Variants in PLD1 observed in about 807,000 individuals in gnomAD.
PLD1 encodes choline phosphatase 1.
Under a neutral mutation model 137.1 loss-of-function variants are expected in PLD1, and 112 were observed. That is an observed-to-expected ratio of 0.82 (90% CI 0.70 to 0.96). The LOEUF (loss-of-function observed/expected upper bound fraction) is 0.96, where lower values mean the gene tolerates loss of function less well. Ranked by LOEUF, PLD1 falls within the 40% of genes least tolerant of loss-of-function variation. The probability of loss-of-function intolerance (pLI) is 0.00; values close to 1 mark genes in which losing one functional copy is unlikely to be tolerated. For synonymous variants in PLD1, 431 were observed against 454.7 expected, an observed-to-expected ratio of 0.95 and a Z score of 0.66; for missense variants, 1,321 against 1,342.0, an observed-to-expected ratio of 0.98 and a Z score of 0.24.
chr3:171,761,644 T>C (rs1161227216), intron 1 of PLD1, among the ~76,000 whole-genome samples: 1 of 152,212 alleles, frequency 6.6e-6, no homozygotes, highest in Non-Finnish European at 1.5e-5. Context: ...TCCTAGGATT[T>C]ACAGAGTGGG....
At position 171,673,090 on chromosome 3, in the gene PLD1, A is replaced by G. The variant is rs543294514; in HGVS notation, c.2229+1410T>C. Among the ~76,000 whole-genome samples the G allele has an allele frequency of 7.2e-5, 11 of 152,370 alleles. No homozygotes were observed. In the South Asian group the frequency reaches 2.1e-3, roughly 29 times the overall value. ...CAAATCTTAAATTCTTATTTTCCTA[A>G]TAACAAGTTTCTTATTTTATATTCT... On this transcript the variant is annotated intron_variant, in intron 19 of 26. Coordinates refer to ENST00000351298, the MANE Select transcript of PLD1 (RefSeq NM_002662.5).
chr3:171,715,846 T>C (rs1252096618), intron 8 of PLD1, among the ~76,000 whole-genome samples: 1 of 152,094 alleles, frequency 6.6e-6, no homozygotes, highest in Non-Finnish European at 1.5e-5. Flanking sequence ...GGGTTTGGTG[T>C]ACAGATTGCT....
intron 1 of PLD1, among the ~76,000 whole-genome samples, chr3:171,808,484 C>A (rs927639697): frequency 6.6e-6 from 1 of 151,928 alleles, no homozygotes; most frequent in African/African-American, 2.4e-5. Flanking sequence ...TGCAGTGAGC[C>A]GAGATCGCGC....
At chr3:171,667,578 G>C (rs1712275047) in intron 19 of PLD1, among the ~76,000 whole-genome samples, 1 of 152,162 alleles carries the variant, frequency 6.6e-6, no homozygotes, top group Non-Finnish European at 1.5e-5. Flanking sequence ...GGAGAGTTAG[G>C]GATGGATTTG....
In PLD1 at chr3:171,737,606, T is replaced by A; in HGVS notation, c.214A>T (p.Ile72Leu). 1 of 1,604,830 alleles carries A rather than the reference T, an allele frequency of 6.2e-7. No individual in the cohort carries two copies. Among genetic ancestry groups the A allele is most frequent in the Non-Finnish European group, 8.5e-7 (1 of 1,172,122 alleles). ...YNTQGFKEPN[I>L]QTYLSGCPIK... is the part of the protein sequence containing the mutation. ...GGACAGCCGGAGAGATACGTCTGTA[T>A]ATTAGGCTCCTTAAATCCTTGAGTG... is the stretch of plus-strand genomic sequence containing the variant. Residue 72 changes from isoleucine (I) to leucine (L), a missense_variant, in exon 3 of 27, where the codon ATA becomes TTA. Coordinates refer to ENST00000351298, the MANE Select transcript of PLD1 (RefSeq NM_002662.5).
chr3:171,667,537 G>A (rs1712270066), intron 19 of PLD1, among the ~76,000 whole-genome samples: 1 of 152,188 alleles, frequency 6.6e-6, no homozygotes, highest in Admixed American at 6.5e-5. Context: ...AGTATTAGTT[G>A]GGTGTTCTTG....
chr3:171,650,736 T>G (rs925714094), intron 21 of PLD1, among the ~76,000 whole-genome samples: 1 of 151,750 alleles, frequency 6.6e-6, no homozygotes, highest in African/African-American at 2.4e-5. Flanking sequence ...CAGAAAATAG[T>G]AGTGTGTGTG....
At chr3:171,666,912 A>G (rs1712208020) in intron 19 of PLD1, among the ~76,000 whole-genome samples, 2 of 152,236 alleles carry the variant, frequency 1.3e-5, no homozygotes, top group South Asian at 4.1e-4. Context: ...CCTAAAATAT[A>G]GCCTTCTCTT....
chr3:171,718,219 C>T (rs564905838), intron 8 of PLD1, among the ~76,000 whole-genome samples: 2 of 152,238 alleles, frequency 1.3e-5, no homozygotes, highest in African/African-American at 4.8e-5. Context: ...AGATAAATTC[C>T]CAGACACATA....
At chr3:171,737,267 T>C (rs893422828) in intron 3 of PLD1, among the ~76,000 whole-genome samples, 9 of 152,224 alleles carry the variant, frequency 5.9e-5, no homozygotes, top group East Asian at 1.9e-4. Flanking sequence ...TTGCAATTTA[T>C]TAAACTGTTA....
chr3:171,750,988 A>AC lies in PLD1; in HGVS notation c.-31-12907dup, dbSNP rs574379112. On this transcript the variant is annotated intron_variant, in intron 1 of 26. Coordinates refer to ENST00000351298, the MANE Select transcript of PLD1 (RefSeq NM_002662.5). The stretch of plus-strand genomic sequence containing the variant: ...AATAGATGAACTGAACCAAGTAGGG[A>AC]CCCCCCCCAAAACAAACCTATTCAA... Among the ~76,000 whole-genome samples the AC allele has an allele frequency of 7.5e-4, 113 of 151,398 alleles. 1 individual carries two copies. Among genetic ancestry groups the AC allele is most frequent in the South Asian group, 3.6e-3 (17 of 4,756 alleles).
chr3:171,752,261 A>G (rs1400349218), intron 1 of PLD1, among the ~76,000 whole-genome samples: 1 of 152,258 alleles, frequency 6.6e-6, no homozygotes, highest in Non-Finnish European at 1.5e-5. Flanking sequence ...AGTATGACAT[A>G]AAAACTAATT....
chr3:171,734,284 T>C (rs1486422937), intron 5 of PLD1, among the ~76,000 whole-genome samples: 1 of 152,194 alleles, frequency 6.6e-6, no homozygotes. Flanking sequence ...AAAACAGAAC[T>C]GACAGAAATT....
intron 23 of PLD1, among the ~76,000 whole-genome samples, chr3:171,631,859 G>GA (rs1251733676): frequency 2.0e-5 from 3 of 151,880 alleles, no homozygotes; most frequent in Non-Finnish European, 2.9e-5. Flanking sequence ...AATAAATATA[G>GA]AAAAAAATGA....
At chr3:171,610,475 T>C (rs932431926) in intron 25 of PLD1, among the ~76,000 whole-genome samples, 3 of 152,226 alleles carry the variant, frequency 2.0e-5, no homozygotes, top group African/African-American at 2.4e-5. Context: ...GTATTACAGA[T>C]GAATTTAATT....
chr3:171,682,108 A>AAG (rs58937242), intron 16 of PLD1, among the ~76,000 whole-genome samples: 1 of 99,070 alleles, frequency 1.0e-5, no homozygotes, highest in Non-Finnish European at 2.0e-5. Flanking sequence ...TACAGAAAGA[A>AAG]AAAGAAAGAA....
intron 9 of PLD1, among the ~76,000 whole-genome samples, chr3:171,712,849 A>G (rs1717378701): frequency 6.6e-6 from 1 of 152,186 alleles, no homozygotes; most frequent in African/African-American, 2.4e-5. Flanking sequence ...GCACCATTAT[A>G]TTTCCAGTCA....
At chr3:171,805,946 T>C (rs935505246) in intron 1 of PLD1, among the ~76,000 whole-genome samples, 1 of 152,164 alleles carries the variant, frequency 6.6e-6, no homozygotes, top group Non-Finnish European at 1.5e-5. Context: ...GAAGCCAAGG[T>C]AGGAGGACCA....
At chr3:171,726,310 A>G (rs1462107917) in intron 6 of PLD1, among the ~76,000 whole-genome samples, 1 of 152,204 alleles carries the variant, frequency 6.6e-6, no homozygotes, top group Non-Finnish European at 1.5e-5. Flanking sequence ...GCCTTAATAC[A>G]TAGAGATAAA....
Sources: gnomAD v4.1 joint callset for allele counts (sites outside exome capture counted in the v4.1 genomes callset) on GRCh38, gnomAD v4.1.1 for gene constraint, MANE v1.5 for transcripts, NCBI Gene and HGNC (gene_info 2026-07-23, HGNC 2026-07-21) for gene names.